Variants in SLC39A11 observed in about 807,000 individuals in gnomAD.
The protein encoded by SLC39A11 is zinc transporter ZIP11.
In SLC39A11, 33 loss-of-function variants were observed where a neutral mutation model predicts 36.1. The observed-to-expected ratio is 0.91, with a 90% CI of 0.69 to 1.22. The LOEUF (loss-of-function observed/expected upper bound fraction) is 1.22. SLC39A11 is among the 50% of genes most tolerant of loss of function. The probability of loss-of-function intolerance (pLI) is 0.00; values close to 1 mark genes in which losing one functional copy is unlikely to be tolerated. For missense variants in SLC39A11, 432 were observed against 430.3 expected (o/e 1.00, Z -0.03); for synonymous variants, 166 against 170.3 (o/e 0.97, Z 0.20).
At chr17:73,064,371 G>A (rs986449991) in intron 3 of SLC39A11, among the ~76,000 whole-genome samples, 3 of 152,148 alleles carry the variant, frequency 2.0e-5, no homozygotes, top group South Asian at 2.1e-4. Context: ...TCTTTTCTCC[G>A]GAGGGCACAG....
chr17:72,842,040 A>G (rs1371654741), intron 6 of SLC39A11, among the ~76,000 whole-genome samples: 1 of 151,942 alleles, frequency 6.6e-6, no homozygotes. Context: ...ACTGCACTCC[A>G]GCCTGAGTGA....
chr17:73,088,986 A>G (rs2060836133), intron 1 of SLC39A11, among the ~76,000 whole-genome samples: 1 of 152,162 alleles, frequency 6.6e-6, no homozygotes, highest in Non-Finnish European at 1.5e-5. Context: ...AATCGTCTTA[A>G]TCTGAAAGAA....
chr17:72,860,123 G>A lies in SLC39A11; in HGVS notation c.431-10319C>T, dbSNP rs867922138. On this transcript the variant is annotated intron_variant, in intron 5 of 9. Transcript: ENST00000255559. ...TTTTGCCAAGGTTTGAGTTGAAGGT[G>A]GGTAGTGGAGCATGGAAAGAAAAAC... Among the ~76,000 whole-genome samples, 5 of 151,854 alleles carry A rather than the reference G, an allele frequency of 3.3e-5. No individual in the cohort carries two copies. The Middle Eastern group carries it at 0.01, about 310-fold the overall frequency.
intron 3 of SLC39A11, among the ~76,000 whole-genome samples, chr17:73,078,130 C>T (rs1377089076): frequency 5.3e-5 from 8 of 150,888 alleles, no homozygotes; most frequent in African/African-American, 1.7e-4. Context: ...CCCAGCTACT[C>T]GGGAGGCTGA....
chr17:72,868,639 AAAAAAAAAAAG>A (rs2080441603), intron 5 of SLC39A11, among the ~76,000 whole-genome samples: 1 of 149,508 alleles, frequency 6.7e-6, no homozygotes, highest in African/African-American at 2.5e-5. Context: ...AAAAAAAAAA[AAAAAAAAAAAG>A]AAAGAAAAAA....
chr17:72,729,664 T>C (rs930613138), intron 7 of SLC39A11, among the ~76,000 whole-genome samples: 2 of 150,334 alleles, frequency 1.3e-5, no homozygotes, highest in African/African-American at 2.4e-5. Flanking sequence ...TATCGGTTTG[T>C]CCACCAGCCC....
chr17:73,072,972 G>A (rs776250810), intron 3 of SLC39A11, among the ~76,000 whole-genome samples: 1 of 152,192 alleles, frequency 6.6e-6, no homozygotes, highest in Non-Finnish European at 1.5e-5. Flanking sequence ...TTGTGGTCAG[G>A]AGTTCAAGAC....
intron 3 of SLC39A11, among the ~76,000 whole-genome samples, chr17:73,075,866 A>G (rs2060302977): frequency 6.6e-6 from 1 of 152,142 alleles, no homozygotes; most frequent in African/African-American, 2.4e-5. Flanking sequence ...AAAATCCCAG[A>G]TCTGCTCACC....
chr17:72,911,415 AT>A (rs66621951), intron 5 of SLC39A11, among the ~76,000 whole-genome samples: 38,811 of 150,584 alleles, frequency 0.26, 5,478 homozygotes, highest in Non-Finnish European at 0.34. Context: ...TTAAAGTATA[AT>A]TTAAAAAAAA....
intron 5 of SLC39A11, among the ~76,000 whole-genome samples, chr17:72,934,555 A>G (rs1216993544): frequency 6.6e-6 from 1 of 152,066 alleles, no homozygotes; most frequent in Non-Finnish European, 1.5e-5. Flanking sequence ...AGTCCCAGCT[A>G]CTCGGGTGGC....
intron 7 of SLC39A11, among the ~76,000 whole-genome samples, chr17:72,703,819 A>T (rs2072762501): frequency 6.6e-6 from 1 of 152,120 alleles, no homozygotes; most frequent in Non-Finnish European, 1.5e-5. Flanking sequence ...AAACAGAGGA[A>T]CCCACCTCAA....
At position 72,861,832 on chromosome 17, in the gene SLC39A11, T is replaced by C. The variant is rs1298400876; in HGVS notation, c.431-12028A>G. 1.0e-4 allele frequency among the ~76,000 whole-genome samples: 15 copies of C among 145,626 alleles called. No individual in the cohort carries two copies. The Admixed American group carries it at 1.0e-3, about 10-fold the overall frequency. On this transcript the variant is annotated intron_variant, in intron 5 of 9. Transcript: ENST00000255559. The stretch of plus-strand genomic sequence containing the variant: ...TATATTTCTATTTTCAGGCTGATTT[T>C]TGTTCAAAAATTGTATATATATATG...
intron 5 of SLC39A11, among the ~76,000 whole-genome samples, chr17:72,935,433 T>TCC (rs1414402797): frequency 6.6e-6 from 1 of 152,164 alleles, no homozygotes; most frequent in Non-Finnish European, 1.5e-5. Context: ...CAAGGGAATA[T>TCC]GGGGAGGTGA....
intron 4 of SLC39A11, among the ~76,000 whole-genome samples, chr17:72,955,987 A>G (rs1198108886): frequency 6.6e-6 from 1 of 152,104 alleles, no homozygotes; most frequent in Non-Finnish European, 1.5e-5. Flanking sequence ...GGACGGGTAG[A>G]TACCTATCCT....
At chr17:72,821,778 G>C (rs1397281015) in intron 6 of SLC39A11, 1 of 151,408 alleles carries the variant, frequency 6.6e-6, no homozygotes, top group African/African-American at 2.4e-5. Flanking sequence ...CCGAGGCCAG[G>C]CCTCACAGAC....
chr17:72,797,138 G>C (rs2076923689), intron 6 of SLC39A11, among the ~76,000 whole-genome samples: 2 of 152,090 alleles, frequency 1.3e-5, no homozygotes, highest in Admixed American at 6.5e-5. Context: ...TACAAAACAA[G>C]AATCTACCTA....
At chr17:72,947,930 G>A in intron 4 of SLC39A11, 55 bp from the exon 5 acceptor site, 1 of 1,598,166 alleles carries the variant, frequency 6.3e-7, no homozygotes, top group South Asian at 1.1e-5. Flanking sequence ...TAATTCCCCA[G>A]ATGCTTCTGG....
At chr17:72,827,686 C>G (rs1395812669) in intron 6 of SLC39A11, among the ~76,000 whole-genome samples, 1 of 152,172 alleles carries the variant, frequency 6.6e-6, no homozygotes, top group Non-Finnish European at 1.5e-5. Flanking sequence ...CTTCAGCCAT[C>G]TCATTCTCAC....
intron 7 of SLC39A11, among the ~76,000 whole-genome samples, chr17:72,731,308 G>A (rs1216129841): frequency 2.0e-5 from 3 of 152,084 alleles, no homozygotes; most frequent in Admixed American, 6.6e-5. Context: ...CTCTGCCTCC[G>A]GTATCTCCAG....
Sources: allele counts gnomAD v4.1 joint callset (sites outside exome capture counted in the v4.1 genomes callset), GRCh38; gene constraint gnomAD v4.1.1; transcripts MANE v1.5; gene names NCBI Gene and HGNC (gene_info 2026-07-23, HGNC 2026-07-21).